Variants in PALLD observed in about 807,000 individuals in gnomAD.
The protein encoded by PALLD is palladin.
In PALLD, 61 loss-of-function variants were observed where a neutral mutation model predicts 123.5. The ratio of observed to expected loss-of-function variants is 0.49; its 90% CI spans 0.40 to 0.61. The LOEUF (loss-of-function observed/expected upper bound fraction) is 0.61. Ranked by LOEUF, PALLD falls within the 20% of genes least tolerant of loss-of-function variation. The probability of loss-of-function intolerance (pLI) is 0.00; values close to 1 mark genes in which losing one functional copy is unlikely to be tolerated. For synonymous variants in PALLD, 465 were observed against 496.4 expected (o/e 0.94, Z 0.84); for missense variants, 1,273 against 1,377.0 (o/e 0.92, Z 1.20).
chr4:168,635,659 C>T (rs1317967500), intron 2 of PALLD, among the ~76,000 whole-genome samples: 2 of 152,190 alleles, frequency 1.3e-5, no homozygotes, highest in Non-Finnish European at 2.9e-5. Context: ...TGTTTGTGAG[C>T]ATGCCCAGTC....
At chr4:168,820,288 G>T (rs910554635) in intron 10 of PALLD, among the ~76,000 whole-genome samples, 1 of 152,228 alleles carries the variant, frequency 6.6e-6, no homozygotes, top group Non-Finnish European at 1.5e-5. Context: ...CAGGTGTGCA[G>T]TGCTATTATT....
intron 10 of PALLD, among the ~76,000 whole-genome samples, chr4:168,843,461 C>T (rs1746342273): frequency 5.9e-5 from 9 of 152,138 alleles, no homozygotes; most frequent in Admixed American, 5.9e-4. Context: ...TTCAGTGTAG[C>T]ACATACGTAG....
chr4:168,695,971 C>G (rs1783091383), intron 8 of PALLD, among the ~76,000 whole-genome samples: 1 of 152,012 alleles, frequency 6.6e-6, no homozygotes. Flanking sequence ...TTCCCTGGGC[C>G]ACACTGGAAG....
At chr4:168,785,846 G>GATAGATAT (rs1554082460) in intron 10 of PALLD, among the ~76,000 whole-genome samples, 3 of 80,896 alleles carry the variant, frequency 3.7e-5, no homozygotes, top group Non-Finnish European at 5.6e-5. Flanking sequence ...AAACTGTAGA[G>GATAGATAT]ATATATATAT....
At chr4:168,857,309 G>T (rs1748746892) in intron 10 of PALLD, among the ~76,000 whole-genome samples, 1 of 152,116 alleles carries the variant, frequency 6.6e-6, no homozygotes, top group South Asian at 2.1e-4. Flanking sequence ...TACATCTCAG[G>T]ATTTATTTAT....
intron 2 of PALLD, among the ~76,000 whole-genome samples, chr4:168,595,298 T>A (rs949033057): frequency 6.6e-6 from 1 of 152,174 alleles, no homozygotes; most frequent in Non-Finnish European, 1.5e-5. Context: ...TGCAGCTATA[T>A]TTTGGCAAGT....
intron 2 of PALLD, among the ~76,000 whole-genome samples, chr4:168,518,290 C>A (rs1763192535): frequency 6.6e-6 from 1 of 152,204 alleles, no homozygotes; most frequent in Non-Finnish European, 1.5e-5. Flanking sequence ...ATTTGCATTA[C>A]CTTCCAACCC....
In PALLD at chr4:168,690,690, T is replaced by C; in HGVS notation, c.1423T>C (p.Phe475Leu). The C allele has an allele frequency of 6.2e-7, 1 of 1,614,174 alleles. No individual in the cohort carries two copies. Among genetic ancestry groups the C allele is most frequent in the Non-Finnish European group, 8.5e-7 (1 of 1,180,022 alleles). Residue 475 changes from phenylalanine (F) to leucine (L), a missense_variant, in exon 7 of 22, where the codon TTT becomes CTT. This residue lies in a region of PALLD where 944 missense variants were observed against 954.5 expected (regional missense o/e 0.99). Transcript: ENST00000505667. Reference sequence around the variant, plus strand: ...GGCACCCCCTCTGCAGGTCCAGTGGTTTCGGCAAGGGAGTGAAATCCAAGA... The same window carrying C: ...GGCACCCCCTCTGCAGGTCCAGTGGCTTCGGCAAGGGAGTGAAATCCAAGA... ...RGAPPLQVQW[F>L]RQGSEIQDSP...
chr4:168,613,407 T>C (rs1375929810), intron 2 of PALLD, among the ~76,000 whole-genome samples: 3 of 152,234 alleles, frequency 2.0e-5, no homozygotes, highest in African/African-American at 7.2e-5. Context: ...CTTTTCAGAA[T>C]TCCCCTCACC....
At chr4:168,894,835 T>G in intron 12 of PALLD, 158 bp downstream of exon 12, 1 of 1,199,276 alleles carries the variant, frequency 8.3e-7, no homozygotes, top group South Asian at 1.4e-5. Context: ...CAGCTAATTT[T>G]TATTGAGCAC....
At chr4:168,597,459 A>C (rs571527974) in intron 2 of PALLD, among the ~76,000 whole-genome samples, 11 of 152,204 alleles carry the variant, frequency 7.2e-5, no homozygotes, top group African/African-American at 2.6e-4. Context: ...AAAACATGAC[A>C]TATACCACAA....
chr4:168,590,643 T>G (rs1379279164), intron 2 of PALLD, among the ~76,000 whole-genome samples: 1 of 152,102 alleles, frequency 6.6e-6, no homozygotes, highest in Non-Finnish European at 1.5e-5. Flanking sequence ...AAGAAACAAT[T>G]CTTCATGATT....
At chr4:168,600,261 C>T (rs757315102) in intron 2 of PALLD, among the ~76,000 whole-genome samples, 7 of 152,126 alleles carry the variant, frequency 4.6e-5, no homozygotes, top group South Asian at 2.1e-4. Flanking sequence ...GATTTTTCAA[C>T]AGTTACATGT....
intron 2 of PALLD, among the ~76,000 whole-genome samples, chr4:168,620,676 C>T (rs568150768): frequency 6.6e-6 from 1 of 152,192 alleles, no homozygotes; most frequent in Non-Finnish European, 1.5e-5. Context: ...CTAGTCTGTG[C>T]GGCCAGCCTC....
At chr4:168,624,402 C>T (rs2149805040) in intron 2 of PALLD, among the ~76,000 whole-genome samples, 1 of 152,216 alleles carries the variant, frequency 6.6e-6, no homozygotes, top group African/African-American at 2.4e-5. Flanking sequence ...GATCCACCCC[C>T]CGCAAAAAAG....
intron 15 of PALLD, 43 bp downstream of exon 15, chr4:168,903,949 C>CTT (rs1361854064): frequency 6.5e-7 from 1 of 1,550,186 alleles, no homozygotes; most frequent in Non-Finnish European, 8.9e-7. Flanking sequence ...GTGTCTAGTG[C>CTT]TTACAGGCAT....
chr4:168,534,331 C>T (rs942798117), intron 2 of PALLD, among the ~76,000 whole-genome samples: 1 of 152,204 alleles, frequency 6.6e-6, no homozygotes, highest in Non-Finnish European at 1.5e-5. Context: ...CATCAGCGAA[C>T]GTGTTCATCT....
intron 10 of PALLD, among the ~76,000 whole-genome samples, chr4:168,843,312 G>A (rs1222443329): frequency 6.6e-6 from 1 of 152,100 alleles, no homozygotes; most frequent in African/African-American, 2.4e-5. Flanking sequence ...AAAATCACAG[G>A]CTCCACCTGG....
intron 10 of PALLD, among the ~76,000 whole-genome samples, chr4:168,746,757 A>C (rs1413130589): frequency 6.6e-6 from 1 of 152,336 alleles, no homozygotes; most frequent in South Asian, 2.1e-4. Context: ...AAGAGATATA[A>C]ATGATAATAA....
Sources: allele counts gnomAD v4.1 joint callset (sites outside exome capture counted in the v4.1 genomes callset), GRCh38; gene constraint gnomAD v4.1.1; regional missense constraint gnomAD v4.1.1; transcripts MANE v1.5; gene names NCBI Gene and HGNC (gene_info 2026-07-23, HGNC 2026-07-21).